IQGAP3: variants seen among roughly 807,000 people sequenced by gnomAD.
The protein encoded by IQGAP3 is ras GTPase-activating-like protein IQGAP3.
Under a neutral mutation model 208.2 loss-of-function variants are expected in IQGAP3, and 165 were observed. The ratio of observed to expected loss-of-function variants is 0.79; its 90% CI spans 0.70 to 0.90. IQGAP3 has a LOEUF of 0.90. Ranked by LOEUF, IQGAP3 falls within the 40% of genes least tolerant of loss-of-function variation. The pLI is 0.00. For synonymous variants in IQGAP3, 703 were observed against 803.6 expected (o/e 0.87, Z 2.12); for missense variants, 1,811 against 2,043.1 (o/e 0.89, Z 2.19).
intron 19 of IQGAP3, among the ~76,000 whole-genome samples, chr1:156,545,024 C>T (rs1013096077): frequency 6.6e-6 from 1 of 152,192 alleles, no homozygotes; most frequent in African/African-American, 2.4e-5. Flanking sequence ...CAGCAGGTCA[C>T]TAATGCTCTC....
rs1316068574 is a variant in IQGAP3 at position 156,565,820 on chromosome 1, C to T, written c.360+207G>A. 2.0e-5 allele frequency among the ~76,000 whole-genome samples: 3 copies of T among 152,170 alleles called. No homozygotes were observed. The East Asian group carries it at 5.8e-4, about 29-fold the overall frequency. The stretch of plus-strand genomic sequence containing the variant: ...GCCACTCAGGCCAGGGAAACTTCAC[C>T]TCCTTTCATCCACAGGGAAGAGGAG... On this transcript the variant is annotated intron_variant, in intron 4 of 37. Transcript: ENST00000361170.
intron 34 of IQGAP3, among the ~76,000 whole-genome samples, chr1:156,529,872 G>C (rs1159085763): frequency 1.5e-5 from 2 of 129,760 alleles, no homozygotes; most frequent in Non-Finnish European, 3.1e-5. Context: ...AGTGAGCCAG[G>C]ATCACACCAC....
intron 2 of IQGAP3, among the ~76,000 whole-genome samples, chr1:156,567,258 T>C (rs988937334): frequency 6.6e-6 from 1 of 152,220 alleles, no homozygotes; most frequent in Admixed American, 6.5e-5. Flanking sequence ...AGAAAGGTCA[T>C]GTCTGCCTGA....
chr1:156,535,637 C>T (rs959959570), intron 27 of IQGAP3, among the ~76,000 whole-genome samples: 1 of 152,170 alleles, frequency 6.6e-6, no homozygotes, highest in African/African-American at 2.4e-5. Flanking sequence ...ACACTCACAG[C>T]CAAAACCCTG....
Position 156,551,844 on chromosome 1 carries a change from T to C in IQGAP3, c.1595A>G (p.Asn532Ser), listed in dbSNP as rs771820967. ...AGGGCTGCCTTTGTCCAGAGCCTCA[T>C]TGATGAGGCTGACTGCAAGGACCCC... The part of the protein sequence containing the change: ...TDRVLAVSLI[N>S]EALDKGSPEK... The change falls in exon 15 of 38, where the codon AAT (asparagine) becomes AGT (serine). Residue 532 changes from asparagine (N) to serine (S), a missense_variant. Transcript: ENST00000361170. 97 of 1,609,696 alleles carry C rather than the reference T, an allele frequency of 6.0e-5. 2 individuals carry two copies. In the South Asian group the frequency reaches 1.0e-3, roughly 17 times the overall value.
rs1233443443 is a variant in IQGAP3 at position 156,533,168 on chromosome 1, T to TACAC, written c.3977-66_3977-63dup. On this transcript the variant is annotated intron_variant, in intron 31 of 37. Transcript: ENST00000361170. ...ACACACACACATGCGCACACACACA[T>TACAC]ACACACACACACATGCACCGATGGG... is the stretch of plus-strand genomic sequence containing the variant. 19 of 1,528,872 alleles carry TACAC rather than the reference T, an allele frequency of 1.2e-5. No homozygotes were observed. In the South Asian group the frequency reaches 2.1e-4, roughly 17 times the overall value. 94.7% of individuals were successfully genotyped at this position (1,528,872 alleles called of 1,614,324 possible). A position where few individuals can be genotyped will look rare whatever the true frequency, so the allele number is the denominator to read the frequency against.
intron 29 of IQGAP3, 127 bp downstream of exon 29, chr1:156,534,374 C>A: frequency 1.1e-6 from 1 of 913,712 alleles, no homozygotes; most frequent in South Asian, 1.7e-5. Context: ...ACCTATCCTC[C>A]ACCCCGCTCA....
chr1:156,539,219 G>T, intron 25 of IQGAP3, 155 bp downstream of exon 25: 1 of 834,674 alleles, frequency 1.2e-6, no homozygotes, highest in Non-Finnish European at 1.9e-6. Context: ...TGCTGTCCCA[G>T]ATGTTTTACG....
Position 156,551,805 on chromosome 1 carries a change from G to T in IQGAP3, c.1634C>A (p.Ser545Tyr), listed in dbSNP as rs748765771. The T allele has an allele frequency of 1.2e-6, 2 of 1,613,866 alleles. No individual in the cohort carries two copies. The highest frequency in any genetic ancestry group is 1.7e-5 in the Admixed American group (1 of 59,964). ...LDKGSPEKTL[S>Y]ALLLPAAGLD... ...GCCAGCTGCAGGAAGCAGTAGGGCA[G>T]ACAGAGTCTTCTCAGGGCTGCCTTT... The change falls in exon 15 of 38, where the codon TCT (serine) becomes TAT (tyrosine). Residue 545 changes from serine to tyrosine, a missense_variant. By Grantham distance (144) the Ser-to-Tyr change is moderately radical. Transcript: ENST00000361170.
chr1:156,550,760 A>T (rs1448492010), intron 15 of IQGAP3, among the ~76,000 whole-genome samples: 1 of 152,038 alleles, frequency 6.6e-6, no homozygotes, highest in African/African-American at 2.4e-5. Context: ...GCCTCATTGC[A>T]CACCTTCTCA....
intron 31 of IQGAP3, 48 bp downstream of exon 31, chr1:156,533,725 T>A (rs747549634): frequency 1.3e-6 from 2 of 1,488,128 alleles, no homozygotes; most frequent in South Asian, 2.3e-5. Flanking sequence ...TGTCCCTCCC[T>A]CCATGCAGGT....
At chr1:156,568,327 G>A (rs1676495971) in intron 2 of IQGAP3, among the ~76,000 whole-genome samples, 1 of 152,050 alleles carries the variant, frequency 6.6e-6, no homozygotes, top group Non-Finnish European at 1.5e-5. Flanking sequence ...CGATTCTCCT[G>A]CCTCAGCCTC....
intron 22 of IQGAP3, among the ~76,000 whole-genome samples, chr1:156,541,271 C>T (rs866859147): frequency 6.6e-6 from 1 of 151,982 alleles, no homozygotes. Flanking sequence ...CAATCTACCA[C>T]TCACTTCTGC....
intron 20 of IQGAP3, 37 bp from the exon 21 acceptor site, chr1:156,544,260 G>A: frequency 6.2e-7 from 1 of 1,608,614 alleles, no homozygotes; most frequent in Non-Finnish European, 8.5e-7. Flanking sequence ...CTCCAGCTTG[G>A]GGCCCACCCT....
intron 22 of IQGAP3, among the ~76,000 whole-genome samples, chr1:156,542,285 G>A (rs1386292743): frequency 6.6e-6 from 1 of 152,142 alleles, no homozygotes; most frequent in Non-Finnish European, 1.5e-5. Context: ...TGCTTCCTGG[G>A]CTCAAGAGAT....
At chr1:156,555,120 C>G (rs1323872611) in intron 12 of IQGAP3, among the ~76,000 whole-genome samples, 2 of 152,176 alleles carry the variant, frequency 1.3e-5, no homozygotes. Context: ...GTGGTCGCCT[C>G]CACACTGCAC....
chr1:156,547,812 C>T (rs1250829627), intron 19 of IQGAP3, among the ~76,000 whole-genome samples: 1 of 152,102 alleles, frequency 6.6e-6, no homozygotes, highest in Non-Finnish European at 1.5e-5. Flanking sequence ...TATCGTTATC[C>T]CCATTTTCAG....
Position 156,548,564 on chromosome 1 carries a change from C to A in IQGAP3, c.1993+17G>T, listed in dbSNP as rs1187514143. 6.3e-7 allele frequency: 1 copy of A among 1,596,486 alleles called. No individual in the cohort carries two copies. The highest frequency in any genetic ancestry group is 8.6e-7 in the Non-Finnish European group (1 of 1,168,262). Reference sequence around the variant, plus strand: ...TGGGGCAGGCAGCGAAGAGGAGGGTCAGGTTGGGGCCATTACCTGGACGCT... The same window carrying A: ...TGGGGCAGGCAGCGAAGAGGAGGGTAAGGTTGGGGCCATTACCTGGACGCT... On this transcript the variant is annotated intron_variant, in intron 17 of 37. Transcript: ENST00000361170.
At chr1:156,527,129 C>T (rs971062356) in intron 37 of IQGAP3, among the ~76,000 whole-genome samples, 8 of 151,660 alleles carry the variant, frequency 5.3e-5, no homozygotes, top group Non-Finnish European at 7.4e-5. Flanking sequence ...CTGCACCCGG[C>T]CAAAATCATT....
Sources: allele counts gnomAD v4.1 joint callset (sites outside exome capture counted in the v4.1 genomes callset), GRCh38; gene constraint gnomAD v4.1.1; transcripts MANE v1.5; gene names NCBI Gene and HGNC (gene_info 2026-07-23, HGNC 2026-07-21).